Variants in RORA observed in about 807,000 individuals in gnomAD.
RORA encodes the protein RAR related orphan receptor A.
Under a neutral mutation model 69.5 loss-of-function variants are expected in RORA, and 7 were observed. The observed-to-expected ratio is 0.10, with a 90% confidence interval of 0.06 to 0.19. The LOEUF is 0.19. Ranked by LOEUF, RORA falls within the 10% of genes least tolerant of loss-of-function variation. The pLI is 1.00. For synonymous variants in RORA, 261 were observed against 240.8 expected (o/e 1.08, Z -0.78); for missense variants, 457 against 663.0 (o/e 0.69, Z 3.41).
chr15:60,864,819 G>A (rs561499641), intron 1 of RORA, among the ~76,000 whole-genome samples: 2 of 152,192 alleles, frequency 1.3e-5, no homozygotes, highest in Non-Finnish European at 2.9e-5. Context: ...TTTGTGCTAT[G>A]TGCTTTATTT....
intron 1 of RORA, among the ~76,000 whole-genome samples, chr15:61,071,907 AG>A (rs944398474): frequency 3.4e-4 from 52 of 152,098 alleles, no homozygotes; most frequent in African/African-American, 1.2e-3. Context: ...TGGGTGGGAC[AG>A]GGTATAGTGA....
At chr15:60,738,002 A>G (rs1482579448) in intron 1 of RORA, among the ~76,000 whole-genome samples, 1 of 152,248 alleles carries the variant, frequency 6.6e-6, no homozygotes, top group African/African-American at 2.4e-5. Flanking sequence ...TGGGTCATAA[A>G]TAAGTAATAT....
intron 1 of RORA, among the ~76,000 whole-genome samples, chr15:60,863,969 G>C (rs2073459377): frequency 6.6e-6 from 1 of 152,126 alleles, no homozygotes; most frequent in African/African-American, 2.4e-5. Flanking sequence ...ACTGTGCCCA[G>C]CTAGTTTTTG....
chr15:60,912,173 G>A (rs914989183), intron 1 of RORA, among the ~76,000 whole-genome samples: 7 of 151,766 alleles, frequency 4.6e-5, no homozygotes, highest in East Asian at 2.0e-4. Context: ...TACTTTGGGC[G>A]ACCCATGTGG....
chr15:60,497,437 G>T lies in RORA; in HGVS notation c.*18C>A. 1 of 1,610,960 alleles carries T rather than the reference G, an allele frequency of 6.2e-7. No individual in the cohort carries two copies. ...TGTTTGTACTTCAGACATTCTAGAA[G>T]TGCTTAGGTGATAACATTTACCCAT... On this transcript the variant is annotated 3_prime_UTR_variant, in exon 11 of 11. Coordinates refer to ENST00000335670, the MANE Select transcript of RORA (RefSeq NM_134261.3).
intron 1 of RORA, among the ~76,000 whole-genome samples, chr15:61,080,008 G>A (rs2078515544): frequency 6.6e-6 from 1 of 152,212 alleles, no homozygotes; most frequent in Non-Finnish European, 1.5e-5. Flanking sequence ...AGGCCAGCAT[G>A]TGCCCAGCAC....
intron 2 of RORA, among the ~76,000 whole-genome samples, chr15:60,665,836 G>A (rs938442519): frequency 8.6e-5 from 13 of 151,946 alleles, no homozygotes; most frequent in African/African-American, 2.9e-4. Context: ...CACCATGCCC[G>A]GCTAATTTTT....
chr15:60,534,664 T>G lies in RORA; in HGVS notation c.197-2813A>C, dbSNP rs1228053407. Reference sequence around the variant, plus strand: ...GATTGGTTAAACTATTCTCCTAGGCTTCCTCCTGCTTGGTTCTCTTATCTC... The same window carrying G: ...GATTGGTTAAACTATTCTCCTAGGCGTCCTCCTGCTTGGTTCTCTTATCTC... On this transcript the variant is annotated intron_variant, in intron 2 of 10. Transcript: ENST00000335670. This position sits in a 1 kb window ranked among gnomAD's most constrained non-coding sequence, Gnocchi z 5.0. 6.6e-6 allele frequency among the ~76,000 whole-genome samples: 1 copy of G among 152,098 alleles called. No individual in the cohort carries two copies. The highest frequency in any genetic ancestry group is 1.5e-5 in the Non-Finnish European group (1 of 68,006).
intron 1 of RORA, among the ~76,000 whole-genome samples, chr15:61,137,401 T>C (rs2079255850): frequency 6.6e-6 from 1 of 152,220 alleles, no homozygotes; most frequent in African/African-American, 2.4e-5. Flanking sequence ...GCCTTTTGTG[T>C]TTTTGAACAT....
intron 1 of RORA, among the ~76,000 whole-genome samples, chr15:61,170,971 C>T (rs955640582): frequency 2.0e-5 from 3 of 152,172 alleles, no homozygotes; most frequent in Non-Finnish European, 4.4e-5. Flanking sequence ...TAGATGTTAC[C>T]GCCTTACTTT....
intron 3 of RORA, among the ~76,000 whole-genome samples, chr15:60,518,808 C>T (rs147795931): frequency 3.9e-5 from 6 of 152,160 alleles, no homozygotes; most frequent in African/African-American, 7.2e-5. Flanking sequence ...CTGACCCTGG[C>T]GCTTCCCCAT....
At chr15:60,778,941 C>T (rs904608900) in intron 1 of RORA, among the ~76,000 whole-genome samples, 4 of 152,056 alleles carry the variant, frequency 2.6e-5, no homozygotes, top group Non-Finnish European at 5.9e-5. Context: ...CCCCAGAACT[C>T]AAAGTAAAAA....
chr15:61,120,215 C>T (rs8035323), intron 1 of RORA, among the ~76,000 whole-genome samples: 74,871 of 151,732 alleles, frequency 0.49, 18,895 homozygotes, highest in South Asian at 0.62. Context: ...ATTTATTAGG[C>T]CATATACTTA....
At position 61,066,416 on chromosome 15, in the gene RORA, T is replaced by TC. The variant is rs1368960735; in HGVS notation, c.166+162636dup. 2.7e-5 allele frequency among the ~76,000 whole-genome samples: 4 copies of TC among 147,196 alleles called. 1 individual carries two copies. On this transcript the variant is annotated intron_variant, in intron 1 of 10. Transcript: ENST00000335670. ...ACAATTGTGGGAAGACAGGGCATAT[T>TC]CCTTTTTTTTTTTTTTTTTTTTTTT...
At chr15:60,561,056 G>GTTTTTTTTTT (rs59042428) in intron 2 of RORA, among the ~76,000 whole-genome samples, 2 of 119,732 alleles carry the variant, frequency 1.7e-5, no homozygotes, top group Admixed American at 8.1e-5. Flanking sequence ...TTTAACTTGT[G>GTTTTTTTTTT]TTTTTTTTTT....
intron 1 of RORA, among the ~76,000 whole-genome samples, chr15:60,777,449 G>C (rs2072185781): frequency 6.6e-6 from 1 of 152,094 alleles, no homozygotes; most frequent in Non-Finnish European, 1.5e-5. Context: ...AGTTAAGTTT[G>C]ATTCAACTCA....
intron 1 of RORA, among the ~76,000 whole-genome samples, chr15:61,117,789 A>G (rs982028413): frequency 6.6e-6 from 1 of 152,262 alleles, no homozygotes; most frequent in African/African-American, 2.4e-5. Context: ...TTGTAGAAGA[A>G]TGTAAGTATT....
intron 1 of RORA, among the ~76,000 whole-genome samples, chr15:60,687,345 CAT>C (rs1329230888): frequency 1.3e-5 from 2 of 152,198 alleles, no homozygotes; most frequent in South Asian, 2.1e-4. Flanking sequence ...TTGAAGAAGA[CAT>C]ATGAAAAACT....
intron 1 of RORA, among the ~76,000 whole-genome samples, chr15:60,873,263 CTGTG>C (rs2073578337): frequency 8.1e-6 from 1 of 123,400 alleles, no homozygotes; most frequent in Non-Finnish European, 2.0e-5. Context: ...GTGTGTGTGT[CTGTG>C]TGTGTGTGTC....
Sources: gnomAD v4.1 joint callset for allele counts (sites outside exome capture counted in the v4.1 genomes callset) on GRCh38, gnomAD v4.1.1 for gene constraint, Gnocchi (gnomAD v3.1) non-coding constraint, MANE v1.5 for transcripts, NCBI Gene and HGNC (gene_info 2026-07-23, HGNC 2026-07-21) for gene names.